The following HMX1 variants were observed in gnomAD, a reference collection of about 807,000 sequenced individuals.
HMX1 encodes the protein H6 family homeobox 1.
HMX1 carries 8 observed loss-of-function variants against 8.9 expected under a neutral mutation model. The ratio of observed to expected loss-of-function variants is 0.90; its 90% confidence interval spans 0.53 to 1.63. HMX1 has a LOEUF of 1.63. Ranked by LOEUF, HMX1 falls within the 40% of genes most tolerant of loss-of-function variation. HMX1 has a pLI of 0.00. For missense variants in HMX1, 621 were observed against 558.5 expected (o/e 1.11, Z -1.13); for synonymous variants, 311 against 283.4 (o/e 1.10, Z -0.98).
chr4:8,855,918 C>A (rs538376611), intron 1 of HMX1, among the ~76,000 whole-genome samples: 1 of 152,228 alleles, frequency 6.6e-6, no homozygotes, highest in Non-Finnish European at 1.5e-5. Context: ...TGCCCTCCCC[C>A]TCCCCACTCA....
In HMX1 at chr4:8,867,726, G is replaced by C. The variant is rs1329052001; in HGVS notation, c.1014C>G (p.Pro338=). 3 of 1,286,892 alleles carry C rather than the reference G, an allele frequency of 2.3e-6. No homozygotes were observed. The South Asian group carries it at 8.3e-5, about 36-fold the overall frequency. The allele number at this position is 1,286,892 out of a possible 1,614,324, so 79.7% of individuals were successfully genotyped here. Residue 338 remains proline (P), a synonymous_variant, in exon 2 of 2, where the codon CCC becomes CCG. Coordinates refer to ENST00000400677, the MANE Select transcript of HMX1 (RefSeq NM_018942.3). ...LAAFPAAASV[P]FLRAQMPGLV is the part of the protein sequence containing the mutation. ...GGCCAGGCATCTGCGCCCGCAGAAA[G>C]GGCACGGAGGCGGCGGCCGGGAAGG...
At chr4:8,857,730 T>C (rs977409639) in intron 1 of HMX1, among the ~76,000 whole-genome samples, 1 of 152,184 alleles carries the variant, frequency 6.6e-6, no homozygotes, top group African/African-American at 2.4e-5. Flanking sequence ...CTGGTTGGAT[T>C]GTGTCTAAAT....
chr4:8,871,600 C>A lies in HMX1; in HGVS notation c.15G>T (p.Leu5=). MPDE[L]TEPGRATPAR... ...CCGGCGTGGCGCGCCCGGGCTCCGT[C>A]AGCTCGTCAGGCATCGCGGCCGCGG... Residue 5 remains leucine (L), a synonymous_variant, in exon 1 of 2, where the codon CTG becomes CTT. Transcript: ENST00000400677. The surrounding 1 kb of genome is among the most constrained non-coding windows in gnomAD (Gnocchi z 4.8). The A allele has an allele frequency of 7.6e-7, 1 of 1,322,518 alleles. No homozygotes were observed. Among genetic ancestry groups the A allele is most frequent in the Non-Finnish European group, 9.7e-7 (1 of 1,034,932 alleles). 81.9% of individuals were successfully genotyped at this position (1,322,518 alleles called of 1,614,324 possible).
intron 1 of HMX1, among the ~76,000 whole-genome samples, chr4:8,861,343 G>A (rs896189999): frequency 6.6e-6 from 1 of 152,192 alleles, no homozygotes; most frequent in African/African-American, 2.4e-5. Context: ...GCGCCGCTGC[G>A]CCCCGGAGGC....
chr4:8,866,701 G>A (rs564815492), downstream of HMX1, among the ~76,000 whole-genome samples: 2 of 152,212 alleles, frequency 1.3e-5, no homozygotes, highest in South Asian at 2.1e-4. Context: ...CTGTGCACAC[G>A]GGGCGCCACA....
chr4:8,867,412 T>TTTCGTGGTAGAGCACC lies in HMX1; in HGVS notation c.*280_*281insGGTGCTCTACCACGAA. ...ACCGCTCCTCGCTGAGGCCGGGGGG[T>TTTCGTGGTAGAGCACC]GGCCGTGGCGCCGGGGGCTGCGCAG... is the stretch of plus-strand genomic sequence containing the variant. On this transcript the variant is annotated 3_prime_UTR_variant, in exon 2 of 2. Coordinates refer to ENST00000400677, the MANE Select transcript of HMX1 (RefSeq NM_018942.3). 9.3e-7 allele frequency: 1 copy of TTTCGTGGTAGAGCACC among 1,071,190 alleles called. No individual in the cohort carries two copies. Among genetic ancestry groups the TTTCGTGGTAGAGCACC allele is most frequent in the Non-Finnish European group, 1.1e-6 (1 of 887,176 alleles). The allele number at this position is 1,071,190 out of a possible 1,614,324, so 66.4% of individuals were successfully genotyped here. A position where few individuals can be genotyped will look rare whatever the true frequency, so the allele number is the denominator to read the frequency against.
At chr4:8,852,120 G>C (rs989408938) in intron 1 of HMX1, among the ~76,000 whole-genome samples, 14 of 152,258 alleles carry the variant, frequency 9.2e-5, no homozygotes, top group African/African-American at 3.4e-4. Context: ...TGGGCAAGGA[G>C]AGCGTGATGA....
chr4:8,867,553 G>A lies in HMX1; in HGVS notation c.*140C>T, dbSNP rs1406175533. 2 of 1,187,632 alleles carry A rather than the reference G, an allele frequency of 1.7e-6. No individual in the cohort carries two copies. The highest frequency in any genetic ancestry group is 1.0e-6 in the Non-Finnish European group (1 of 959,806). 73.6% of individuals were successfully genotyped at this position (1,187,632 alleles called of 1,614,324 possible). On this transcript the variant is annotated 3_prime_UTR_variant, in exon 2 of 2. Coordinates refer to ENST00000400677, the MANE Select transcript of HMX1 (RefSeq NM_018942.3). ...CAGAAGCTGAGGCCCGCCCGGCCGC[G>A]GCCTGCGCTCCCGAGGTATCTAGGA...
intron 1 of HMX1, among the ~76,000 whole-genome samples, chr4:8,851,652 G>A (rs1213686916): frequency 1.3e-5 from 2 of 152,198 alleles, no homozygotes; most frequent in African/African-American, 2.4e-5. Context: ...AGGAGGCCTG[G>A]GACCCACGGT....
At chr4:8,859,848 C>T (rs1347172080) in intron 1 of HMX1, among the ~76,000 whole-genome samples, 2 of 152,232 alleles carry the variant, frequency 1.3e-5, no homozygotes, top group East Asian at 3.9e-4. Flanking sequence ...CCAGGGGAGG[C>T]GGAAGGGCCA....
intron 1 of HMX1, among the ~76,000 whole-genome samples, chr4:8,869,805 A>C (rs1722148443): frequency 6.6e-6 from 1 of 152,156 alleles, no homozygotes; most frequent in Non-Finnish European, 1.5e-5. Context: ...CCTAACCCGC[A>C]TGGCACGAAA....
chr4:8,846,180 G>A lies in HMX1; in HGVS notation c.539C>T (p.Thr180Met), dbSNP rs1416308797. ...GGTCCAGGCTGACAAAGGCTCCACCGTGTTGTGGCTGCACCATCCAGTCCC... is the reference window on the plus strand; with the variant it reads ...GGTCCAGGCTGACAAAGGCTCCACCATGTTGTGGCTGCACCATCCAGTCCC... Residue 180 changes from threonine (T) to methionine (M), a missense_variant, in exon 2 of 2, where the codon ACG (threonine) becomes ATG (methionine). Transcript: ENST00000506970. The A allele has an allele frequency of 1.2e-5, 16 of 1,281,918 alleles. 1 individual carries two copies. Among genetic ancestry groups the A allele is most frequent in the African/African-American group, 1.0e-4 (7 of 67,946 alleles). The allele number at this position is 1,281,918 out of a possible 1,614,324, so 79.4% of individuals were successfully genotyped here.
chr4:8,864,436 G>A (rs1017280753), downstream of HMX1, among the ~76,000 whole-genome samples: 8 of 152,192 alleles, frequency 5.3e-5, no homozygotes, highest in Non-Finnish European at 5.9e-5. Flanking sequence ...TGGAACCCGC[G>A]AGGGGGGAGG....
chr4:8,870,707 G>C lies in HMX1; in HGVS notation c.394+514C>G, dbSNP rs1326023188. Among the ~76,000 whole-genome samples the C allele has an allele frequency of 7.0e-6, 1 of 143,072 alleles. No individual in the cohort carries two copies. Among genetic ancestry groups the C allele is most frequent in the Non-Finnish European group, 1.5e-5 (1 of 66,876 alleles). The allele number at this position is 143,072 out of a possible 152,430, so 93.9% of individuals were successfully genotyped here. On this transcript the variant is annotated intron_variant, in intron 1 of 1. Transcript: ENST00000400677. The surrounding 1 kb of genome is among the most constrained non-coding windows in gnomAD (Gnocchi z 4.4). Reference sequence around the variant, plus strand: ...TCAATGCCCCCTTTTATTTTTCCACGTCTGATGCTACTTTGTCTCCCTTTC... The same window carrying C: ...TCAATGCCCCCTTTTATTTTTCCACCTCTGATGCTACTTTGTCTCCCTTTC...
intron 1 of HMX1, among the ~76,000 whole-genome samples, chr4:8,855,493 C>G (rs1431952450): frequency 6.6e-6 from 1 of 152,150 alleles, no homozygotes; most frequent in Non-Finnish European, 1.5e-5. Context: ...GGCGGGAGGT[C>G]TCCTAGCACA....
In HMX1 at chr4:8,871,607, TC is replaced by T; in HGVS notation, c.7del (p.Asp3ThrfsTer3). MP[D>X]ELTEPGRATP... ...GGCGCGCCCGGGCTCCGTCAGCTCG[TC>T]AGGCATCGCGGCCGCGGGCTTCTCG... On this transcript the variant is annotated frameshift_variant, in exon 1 of 2. Coordinates refer to ENST00000400677, the MANE Select transcript of HMX1 (RefSeq NM_018942.3). LOFTEE classifies it high-confidence loss of function. The surrounding 1 kb of genome is among the most constrained non-coding windows in gnomAD (Gnocchi z 4.8). The T allele has an allele frequency of 7.7e-7, 1 of 1,302,740 alleles. No homozygotes were observed. The highest frequency in any genetic ancestry group is 9.8e-7 in the Non-Finnish European group (1 of 1,025,624). The allele number at this position is 1,302,740 out of a possible 1,614,324, so 80.7% of individuals were successfully genotyped here.
chr4:8,857,815 C>G (rs996026927), intron 1 of HMX1, among the ~76,000 whole-genome samples: 6 of 152,202 alleles, frequency 3.9e-5, no homozygotes, highest in Admixed American at 3.3e-4. Context: ...TCCTCCTCCC[C>G]TTGCCCTTGC....
In HMX1 at chr4:8,848,795, G is replaced by T. The variant is rs1326094079; in HGVS notation, c.395-2471C>A. On this transcript the variant is annotated intron_variant, in intron 1 of 1. Transcript: ENST00000506970. The surrounding 1 kb of genome is among the most constrained non-coding windows in gnomAD (Gnocchi z 4.1). Reference sequence around the variant, plus strand: ...GCAAGTAGCAAGGAGACATCATAAGGGCTTTTCCTGGTTGGTGAAGACCAC... The same window carrying T: ...GCAAGTAGCAAGGAGACATCATAAGTGCTTTTCCTGGTTGGTGAAGACCAC... Among the ~76,000 whole-genome samples the T allele has an allele frequency of 1.3e-5, 2 of 152,192 alleles. No individual in the cohort carries two copies. The highest frequency in any genetic ancestry group is 2.9e-5 in the Non-Finnish European group (2 of 68,038).
At position 8,848,635 on chromosome 4, in the gene HMX1, G is replaced by C. The variant is rs1475263630; in HGVS notation, c.395-2311C>G. Reference sequence around the variant, plus strand: ...ATGCTTGGAGGTGCCGGCTGCTGTAGACCAACCTAAACCAGGCTCCCCCAT... The same window carrying C: ...ATGCTTGGAGGTGCCGGCTGCTGTACACCAACCTAAACCAGGCTCCCCCAT... On this transcript the variant is annotated intron_variant, in intron 1 of 1. Transcript: ENST00000506970. This position sits in a 1 kb window ranked among gnomAD's most constrained non-coding sequence, Gnocchi z 4.1. Among the ~76,000 whole-genome samples, 1 of 152,182 alleles carries C rather than the reference G, an allele frequency of 6.6e-6. No homozygotes were observed. Among genetic ancestry groups the C allele is most frequent in the East Asian group, 1.9e-4 (1 of 5,186 alleles).
Sources: gnomAD v4.1 joint callset for allele counts (sites outside exome capture counted in the v4.1 genomes callset) on GRCh38, gnomAD v4.1.1 for gene constraint, Gnocchi (gnomAD v3.1) non-coding constraint, MANE v1.5 for transcripts, NCBI Gene and HGNC (gene_info 2026-07-23, HGNC 2026-07-21) for gene names.